CACNG2: variants seen among roughly 807,000 people sequenced by gnomAD.
CACNG2 encodes the protein calcium voltage-gated channel auxiliary subunit gamma 2.
In CACNG2, 3 loss-of-function variants were observed where a neutral mutation model predicts 25.9. That is an observed-to-expected ratio of 0.12 (90% confidence interval 0.05 to 0.30). CACNG2 has a LOEUF of 0.30. Among genes scored for constraint, CACNG2 ranks in the 10% least tolerant of loss-of-function variants. The probability of loss-of-function intolerance (pLI) is 1.00; values close to 1 mark genes in which losing one functional copy is unlikely to be tolerated. For synonymous variants in CACNG2, 167 were observed against 173.3 expected (o/e 0.96, Z 0.29); for missense variants, 341 against 432.5 (o/e 0.79, Z 1.88).
intron 1 of CACNG2, among the ~76,000 whole-genome samples, chr22:36,700,062 G>A (rs922390671): frequency 3.3e-5 from 5 of 152,254 alleles, no homozygotes; most frequent in Non-Finnish European, 7.3e-5. Context: ...CCTGAGGAGA[G>A]CCTGGCAGGG....
intron 1 of CACNG2, among the ~76,000 whole-genome samples, chr22:36,698,154 C>T (rs1198199271): frequency 6.6e-6 from 1 of 152,142 alleles, no homozygotes; most frequent in Non-Finnish European, 1.5e-5. Flanking sequence ...TCTCCTTTCT[C>T]TCCCTCTCTT....
rs757707908 is a variant in CACNG2 at position 36,564,322 on chromosome 22, C to T, written c.*29G>A. 5.6e-6 allele frequency: 9 copies of T among 1,595,662 alleles called. No individual in the cohort carries two copies. The South Asian group carries it at 7.9e-5, about 14-fold the overall frequency. On this transcript the variant is annotated 3_prime_UTR_variant, in exon 4 of 4. Transcript: ENST00000300105. This position sits in a 1 kb window ranked among gnomAD's most constrained non-coding sequence, Gnocchi z 6.7. ...CGCCCCCGGGGACCGCGCCCTCCTCCCGCGGTCTTCTGGCGAGGCCCGCGG... is the reference window on the plus strand; with the variant it reads ...CGCCCCCGGGGACCGCGCCCTCCTCTCGCGGTCTTCTGGCGAGGCCCGCGG...
intron 1 of CACNG2, among the ~76,000 whole-genome samples, chr22:36,671,232 G>A (rs1367516507): frequency 6.6e-6 from 1 of 152,078 alleles, no homozygotes; most frequent in Admixed American, 6.5e-5. Flanking sequence ...CTTTATTTCC[G>A]AAGTTCTAAA....
At chr22:36,675,184 G>T (rs75182133) in intron 1 of CACNG2, among the ~76,000 whole-genome samples, 9,511 of 152,136 alleles carry the variant, frequency 0.063, 660 homozygotes, top group African/African-American at 0.17. Context: ...CTACAGGCAT[G>T]TACCACCATA....
chr22:36,573,343 T>G (rs1935263503), intron 2 of CACNG2, among the ~76,000 whole-genome samples: 1 of 151,620 alleles, frequency 6.6e-6, no homozygotes, highest in Admixed American at 6.6e-5. Flanking sequence ...TTATTATTAT[T>G]TTTTTGAGAC....
chr22:36,694,972 T>A (rs151204076), intron 1 of CACNG2, among the ~76,000 whole-genome samples: 2 of 152,078 alleles, frequency 1.3e-5, no homozygotes, highest in East Asian at 3.9e-4. Context: ...TCCCAGCACT[T>A]TGGGAGGCTC....
At chr22:36,602,511 G>A (rs891580743) in intron 1 of CACNG2, among the ~76,000 whole-genome samples, 1 of 152,026 alleles carries the variant, frequency 6.6e-6, no homozygotes, top group Non-Finnish European at 1.5e-5. Context: ...TCAGCTAGCC[G>A]AGTAGCTGGG....
At chr22:36,567,783 T>G (rs937407269) in intron 2 of CACNG2, among the ~76,000 whole-genome samples, 4 of 152,098 alleles carry the variant, frequency 2.6e-5, no homozygotes, top group African/African-American at 4.8e-5. Context: ...CTCCGTGTCC[T>G]GGGAGCCATG....
At position 36,621,679 on chromosome 22, in the gene CACNG2, G is replaced by C. The variant is rs114788550; in HGVS notation, c.212-34131C>G. On this transcript the variant is annotated intron_variant, in intron 1 of 3. Coordinates refer to ENST00000300105, the MANE Select transcript of CACNG2 (RefSeq NM_006078.5). ...ACTGGAGCTTCCCTCTTGCCTTTCT[G>C]TTGCATGCACACACAGGCACTGTAG... Among the ~76,000 whole-genome samples, 394 of 152,090 alleles carry C rather than the reference G, an allele frequency of 2.6e-3. 2 individuals are homozygous for C. The highest frequency in any genetic ancestry group is 9.0e-3 in the African/African-American group (374 of 41,474).
At chr22:36,622,131 C>T (rs1012343670) in intron 1 of CACNG2, among the ~76,000 whole-genome samples, 1 of 152,234 alleles carries the variant, frequency 6.6e-6, no homozygotes. Context: ...GTGACTTGTG[C>T]ACACTTGTTT....
chr22:36,625,334 T>C (rs972622937), intron 1 of CACNG2, among the ~76,000 whole-genome samples: 1 of 152,178 alleles, frequency 6.6e-6, no homozygotes, highest in African/African-American at 2.4e-5. Context: ...TTGGATGAGA[T>C]GGCCTTTCTT....
chr22:36,613,252 G>A (rs1194809273), intron 1 of CACNG2, among the ~76,000 whole-genome samples: 2 of 151,870 alleles, frequency 1.3e-5, no homozygotes, highest in Non-Finnish European at 2.9e-5. Flanking sequence ...GAACACTGCA[G>A]TAAATGAATC....
At chr22:36,668,111 G>A (rs1298818959) in intron 1 of CACNG2, among the ~76,000 whole-genome samples, 1 of 152,164 alleles carries the variant, frequency 6.6e-6, no homozygotes, top group Admixed American at 6.5e-5. Context: ...GCTTTCCGGG[G>A]CCTGCAGCTC....
intron 3 of CACNG2, 97 bp downstream of exon 3, chr22:36,566,256 C>T (rs541992475): frequency 1.6e-6 from 2 of 1,256,074 alleles, no homozygotes; most frequent in African/African-American, 1.5e-5. Context: ...GATTTCCTCT[C>T]CTCTCTCCCC....
intron 2 of CACNG2, among the ~76,000 whole-genome samples, chr22:36,582,886 T>G (rs1181812252): frequency 6.6e-6 from 1 of 152,076 alleles, no homozygotes; most frequent in African/African-American, 2.4e-5. Flanking sequence ...AAAGAGGGCC[T>G]GGCATACAGG....
chr22:36,631,581 G>A (rs1936271761), intron 1 of CACNG2, among the ~76,000 whole-genome samples: 1 of 152,134 alleles, frequency 6.6e-6, no homozygotes, highest in African/African-American at 2.4e-5. Flanking sequence ...TTCTGAGAAA[G>A]TATCTTCCTT....
At chr22:36,572,514 C>A (rs911409304) in intron 2 of CACNG2, among the ~76,000 whole-genome samples, 1 of 152,080 alleles carries the variant, frequency 6.6e-6, no homozygotes, top group Non-Finnish European at 1.5e-5. Context: ...CCAGCATGGC[C>A]AATATGGCGA....
chr22:36,628,353 T>C (rs2145955894), intron 1 of CACNG2, among the ~76,000 whole-genome samples: 1 of 152,160 alleles, frequency 6.6e-6, no homozygotes, highest in Non-Finnish European at 1.5e-5. Context: ...AGAGAGGGAG[T>C]AAGGGTAACT....
intron 1 of CACNG2, among the ~76,000 whole-genome samples, chr22:36,593,938 T>C (rs535846882): frequency 3.0e-4 from 46 of 152,134 alleles, no homozygotes; most frequent in African/African-American, 1.0e-3. Context: ...TTGAACTTCA[T>C]AGGACATCTA....
Sources: gnomAD v4.1 joint callset for allele counts (sites outside exome capture counted in the v4.1 genomes callset) on GRCh38, gnomAD v4.1.1 for gene constraint, Gnocchi (gnomAD v3.1) non-coding constraint, MANE v1.5 for transcripts, NCBI Gene and HGNC (gene_info 2026-07-23, HGNC 2026-07-21) for gene names.